The following GCNT3 variants were observed in gnomAD, a reference collection of about 807,000 sequenced individuals.
The protein encoded by GCNT3 is glucosaminyl (N-acetyl) transferase 3, mucin type, also known as beta-1,3-galactosyl-O-glycosyl-glycoprotein beta-1,6-N-acetylglucosaminyltransferase 3.
For missense variants in GCNT3, 708 were observed against 530.3 expected (o/e 1.34, Z -3.29); for synonymous variants, 269 against 195.2 (o/e 1.38, Z -3.15).
intron 1 of GCNT3, chr15:59,615,025 C>T (rs942315846): frequency 1.3e-5 from 2 of 152,200 alleles, no homozygotes; most frequent in South Asian, 2.1e-4. Flanking sequence ...GACTCATCTC[C>T]ATTATTGCCT....
intron 1 of GCNT3, among the ~76,000 whole-genome samples, chr15:59,615,634 G>C (rs2082716231): frequency 6.6e-6 from 1 of 151,768 alleles, no homozygotes. Flanking sequence ...TGTAATCCCA[G>C]CACTTTGGGA....
rs1404887471 is a variant in GCNT3, at chr15:59,611,981, G to T, written c.-251G>T. The T allele has an allele frequency of 6.6e-6, 1 of 152,214 alleles. No homozygotes were observed. The highest frequency in any genetic ancestry group is 1.5e-5 in the Non-Finnish European group (1 of 68,042). The allele number at this position is 152,214 out of a possible 1,614,324, so 9.4% of individuals were successfully genotyped here. A position where few individuals can be genotyped will look rare whatever the true frequency, so the allele number is the denominator to read the frequency against. On this transcript the variant is annotated splice_region_variant and 5_prime_UTR_variant, in exon 1 of 3. Coordinates refer to ENST00000396065, the MANE Select transcript of GCNT3 (RefSeq NM_004751.3). ...GAAGACCAAGCTGACGCCTGGCAAAGGTAAATGCCACCATAACAAATTAAG... is the reference window on the plus strand; with the variant it reads ...GAAGACCAAGCTGACGCCTGGCAAATGTAAATGCCACCATAACAAATTAAG...
chr15:59,612,923 T>G (rs1321419032), intron 1 of GCNT3, among the ~76,000 whole-genome samples: 1 of 151,900 alleles, frequency 6.6e-6, no homozygotes, highest in African/African-American at 2.4e-5. Context: ...CTTAGTCCTT[T>G]CCCTCACTAC....
intron 1 of GCNT3, among the ~76,000 whole-genome samples, chr15:59,612,221 A>G (rs1205336274): frequency 3.3e-5 from 5 of 152,146 alleles, no homozygotes; most frequent in Non-Finnish European, 7.4e-5. Flanking sequence ...CCACAAACAT[A>G]CAAGGATTTA....
At chr15:59,613,148 T>C (rs141804596) in intron 1 of GCNT3, among the ~76,000 whole-genome samples, 1 of 152,176 alleles carries the variant, frequency 6.6e-6, no homozygotes, top group African/African-American at 2.4e-5. Context: ...AAAACAAATA[T>C]TAGCATTAGC....
chr15:59,619,551 T>G lies in GCNT3; in HGVS notation c.1313T>G (p.Leu438Arg). The G allele has an allele frequency of 6.4e-7, 1 of 1,563,482 alleles. No homozygotes were observed. The highest frequency in any genetic ancestry group is 8.8e-7 in the Non-Finnish European group (1 of 1,141,174). ...LRYKAIYGTE[L>R] Reference sequence around the variant, plus strand: ...TATAAGGCCATCTATGGGACTGAACTTTGAGACACACTATGAGAGCGTTGC... The same window carrying G: ...TATAAGGCCATCTATGGGACTGAACGTTGAGACACACTATGAGAGCGTTGC... The change falls in exon 3 of 3, where the codon CTT (leucine) becomes CGT (arginine). Residue 438 changes from leucine to arginine, a missense_variant. Transcript: ENST00000396065.
chr15:59,618,963 C>A lies in GCNT3; in HGVS notation c.725C>A (p.Ala242Asp). 1 of 1,614,034 alleles carries A rather than the reference C, an allele frequency of 6.2e-7. No individual in the cohort carries two copies. The highest frequency in any genetic ancestry group is 1.7e-5 in the Admixed American group (1 of 60,014). ...AAGAGCAATGCAGAGATGGTCCAGGCTCTCAAGATGTTGAATGGGAGGAAT... is the reference window on the plus strand; with the variant it reads ...AAGAGCAATGCAGAGATGGTCCAGGATCTCAAGATGTTGAATGGGAGGAAT... ...PIKSNAEMVQ[A>D]LKMLNGRNSM... The change falls in exon 3 of 3, where the codon GCT (alanine) becomes GAT (aspartate). Residue 242 changes from alanine (A) to aspartate (D), a missense_variant. Transcript: ENST00000396065.
chr15:59,615,106 C>G (rs1459412398), intron 1 of GCNT3: 2 of 152,194 alleles, frequency 1.3e-5, no homozygotes, highest in Admixed American at 6.5e-5. Flanking sequence ...ATGCCTCTTG[C>G]AAACCACGTT....
At chr15:59,613,528 T>G (rs1168556789) in intron 1 of GCNT3, among the ~76,000 whole-genome samples, 6 of 141,392 alleles carry the variant, frequency 4.2e-5, no homozygotes, top group East Asian at 4.0e-4. Flanking sequence ...GCAAACTCCA[T>G]CTCTACAATA....
chr15:59,618,572 C>A lies in GCNT3; in HGVS notation c.334C>A (p.His112Asn), dbSNP rs1447819257. ...HYLSLTRDCE[H>N]FKAERKFIQF... ...CCTCTCCCTCACCAGAGACTGTGAG[C>A]ACTTCAAGGCTGAAAGGAAGTTCAT... The change falls in exon 3 of 3, where the codon CAC becomes AAC. Residue 112 changes from histidine to asparagine, a missense_variant. By Grantham distance (68) the His-to-Asn change is moderately conservative. Transcript: ENST00000396065. 6.2e-7 allele frequency: 1 copy of A among 1,613,972 alleles called. No individual in the cohort carries two copies. The highest frequency in any genetic ancestry group is 8.5e-7 in the Non-Finnish European group (1 of 1,179,892).
chr15:59,619,576 C>T lies in GCNT3; in HGVS notation c.*21C>T. 6.9e-7 allele frequency: 1 copy of T among 1,443,320 alleles called. No individual in the cohort carries two copies. Among genetic ancestry groups the T allele is most frequent in the South Asian group, 1.3e-5 (1 of 79,808 alleles). 89.4% of individuals were successfully genotyped at this position (1,443,320 alleles called of 1,614,324 possible). On this transcript the variant is annotated 3_prime_UTR_variant, in exon 3 of 3. Transcript: ENST00000396065. The stretch of plus-strand genomic sequence containing the variant: ...TTTGAGACACACTATGAGAGCGTTG[C>T]TACCTGTGGGGCAAGAGCATGTACA...
rs1319127752 is a variant in GCNT3 at position 59,622,502 on chromosome 15, G to C, written c.*2947G>C. 6.6e-6 allele frequency: 1 copy of C among 152,060 alleles called. No homozygotes were observed. Among genetic ancestry groups the C allele is most frequent in the African/African-American group, 2.4e-5 (1 of 41,398 alleles). The allele number at this position is 152,060 out of a possible 1,614,324, so 9.4% of individuals were successfully genotyped here. A position where few individuals can be genotyped will look rare whatever the true frequency, so the allele number is the denominator to read the frequency against. ...TGAGAGGTCTGTTGCCAGCAGTGGT[G>C]ATCGATCACGGCCTCCCCCTGCTGG... is the stretch of plus-strand genomic sequence containing the variant. On this transcript the variant is annotated 3_prime_UTR_variant, in exon 3 of 3. Coordinates refer to ENST00000396065, the MANE Select transcript of GCNT3 (RefSeq NM_004751.3).
At chr15:59,613,383 C>A (rs1356327694) in intron 1 of GCNT3, among the ~76,000 whole-genome samples, 1 of 151,900 alleles carries the variant, frequency 6.6e-6, no homozygotes, top group Non-Finnish European at 1.5e-5. Context: ...TAACACATAA[C>A]CAACTTACTT....
At chr15:59,617,146 TTTTC>T (rs2082723047) in intron 2 of GCNT3, among the ~76,000 whole-genome samples, 1 of 123,862 alleles carries the variant, frequency 8.1e-6, no homozygotes, top group Admixed American at 7.8e-5. Flanking sequence ...GTACAATGTT[TTTTC>T]TTTATTTTTC....
At position 59,620,759 on chromosome 15, in the gene GCNT3, G is replaced by T; in HGVS notation, c.*1204G>T. ...TTCAAAGTGGAACATGTTTTTGTAG[G>T]GGGAGAGTCTGCACTATTAATAATT... is the stretch of plus-strand genomic sequence containing the variant. On this transcript the variant is annotated 3_prime_UTR_variant, in exon 3 of 3. Transcript: ENST00000396065. The T allele has an allele frequency of 6.0e-6, 1 of 167,036 alleles. No individual in the cohort carries two copies. The allele number at this position is 167,036 out of a possible 1,614,324, so 10.3% of individuals were successfully genotyped here. A position where few individuals can be genotyped will look rare whatever the true frequency, so the allele number is the denominator to read the frequency against.
chr15:59,612,637 G>A (rs574758166), intron 1 of GCNT3, among the ~76,000 whole-genome samples: 8 of 152,106 alleles, frequency 5.3e-5, no homozygotes, highest in Non-Finnish European at 1.0e-4. Context: ...CTGGGACTGC[G>A]CCCTTTCTCC....
chr15:59,621,824 C>G lies in GCNT3; in HGVS notation c.*2269C>G, dbSNP rs1379524965. The G allele has an allele frequency of 1.3e-5, 2 of 150,716 alleles. No individual in the cohort carries two copies. Among genetic ancestry groups the G allele is most frequent in the Non-Finnish European group, 1.5e-5 (1 of 67,682 alleles). The allele number at this position is 150,716 out of a possible 1,614,324, so 9.3% of individuals were successfully genotyped here. A position where few individuals can be genotyped will look rare whatever the true frequency, so the allele number is the denominator to read the frequency against. The stretch of plus-strand genomic sequence containing the variant: ...CATGTTGGTCAGGCTGGTCTGAACT[C>G]CTGACCTCAAGTGATCCACTTGCCT... On this transcript the variant is annotated 3_prime_UTR_variant, in exon 3 of 3. Coordinates refer to ENST00000396065, the MANE Select transcript of GCNT3 (RefSeq NM_004751.3).
At position 59,619,078 on chromosome 15, in the gene GCNT3, CA is replaced by C. The variant is rs868635791; in HGVS notation, c.842del (p.Lys281ArgfsTer10). Reference sequence around the variant, plus strand: ...TGAGAGACACATTACACCTAACCAACAAGAAGAAGGATCCTCCCCCTTATAA... The same window carrying C: ...TGAGAGACACATTACACCTAACCAACAGAAGAAGGATCCTCCCCCTTATAA... ...VVRDTLHLTNKKKDPPPYNLT... is the reference protein window; with the variant it reads ...VVRDTLHLTNXKKDPPPYNLT... On this transcript the variant is annotated frameshift_variant, in exon 3 of 3. Coordinates refer to ENST00000396065, the MANE Select transcript of GCNT3 (RefSeq NM_004751.3). LOFTEE classifies it low-confidence loss of function (END_TRUNC). The C allele has an allele frequency of 1.2e-6, 2 of 1,613,972 alleles. No homozygotes were observed. The highest frequency in any genetic ancestry group is 2.7e-5 in the African/African-American group (2 of 74,930).
Position 59,619,076 on chromosome 15 carries a change from A to C in GCNT3, c.838A>C (p.Asn280His). 2 of 1,614,156 alleles carry C rather than the reference A, an allele frequency of 1.2e-6. No individual in the cohort carries two copies. Among genetic ancestry groups the C allele is most frequent in the Non-Finnish European group, 1.7e-6 (2 of 1,179,994 alleles). ...EVVRDTLHLT[N>H]KKKDPPPYNL... ...AGTGAGAGACACATTACACCTAACCAACAAGAAGAAGGATCCTCCCCCTTA... is the reference window on the plus strand; with the variant it reads ...AGTGAGAGACACATTACACCTAACCCACAAGAAGAAGGATCCTCCCCCTTA... Residue 280 changes from asparagine (N) to histidine (H), a missense_variant, in exon 3 of 3, where the codon AAC becomes CAC. Asn to His is a moderately conservative substitution (Grantham distance 68). Coordinates refer to ENST00000396065, the MANE Select transcript of GCNT3 (RefSeq NM_004751.3).
Sources: allele counts gnomAD v4.1 joint callset (sites outside exome capture counted in the v4.1 genomes callset), GRCh38; gene constraint gnomAD v4.1.1; transcripts MANE v1.5; gene names NCBI Gene and HGNC (gene_info 2026-07-23, HGNC 2026-07-21).